Variants in AGBL4 observed in about 807,000 individuals in gnomAD.
The protein encoded by AGBL4 is cytosolic carboxypeptidase 6.
In AGBL4, 58 loss-of-function variants were observed where a neutral mutation model predicts 66.4. The ratio of observed to expected loss-of-function variants is 0.87; its 90% CI spans 0.71 to 1.09. The LOEUF (loss-of-function observed/expected upper bound fraction) is 1.09. Among genes scored for constraint, AGBL4 ranks in the 50% least tolerant of loss-of-function variants. The pLI, the probability that AGBL4 is intolerant of heterozygous loss-of-function variation, is 0.00. For missense variants in AGBL4, 579 were observed against 631.0 expected (o/e 0.92, Z 0.88); for synonymous variants, 234 against 222.9 (o/e 1.05, Z -0.44).
intron 4 of AGBL4, among the ~76,000 whole-genome samples, chr1:49,109,862 A>C (rs1046904077): frequency 6.6e-6 from 1 of 152,162 alleles, no homozygotes; most frequent in Non-Finnish European, 1.5e-5. Context: ...GTTTTTAGCA[A>C]ATAGAACAAT....
At chr1:49,668,982 A>G (rs1486810422) in intron 3 of AGBL4, among the ~76,000 whole-genome samples, 1 of 152,154 alleles carries the variant, frequency 6.6e-6, no homozygotes, top group Admixed American at 6.6e-5. Flanking sequence ...TTGTGCAGGA[A>G]ATCTATGATC....
chr1:49,448,870 T>TA (rs1421753687), intron 3 of AGBL4, among the ~76,000 whole-genome samples: 1 of 151,008 alleles, frequency 6.6e-6, no homozygotes, highest in East Asian at 1.9e-4. Flanking sequence ...GGTGGGGACT[T>TA]AAATTCGGGT....
intron 5 of AGBL4, among the ~76,000 whole-genome samples, chr1:48,999,558 C>A (rs1398735774): frequency 6.6e-6 from 1 of 152,098 alleles, no homozygotes; most frequent in Non-Finnish European, 1.5e-5. Context: ...GCATGACGTG[C>A]CTCCACCAAA....
chr1:48,936,240 G>C (rs960489883), intron 5 of AGBL4, among the ~76,000 whole-genome samples: 3 of 152,102 alleles, frequency 2.0e-5, no homozygotes, highest in Non-Finnish European at 2.9e-5. Flanking sequence ...TCCAGCCTGG[G>C]TGACAAAGTG....
intron 3 of AGBL4, among the ~76,000 whole-genome samples, chr1:49,594,802 T>C (rs975435478): frequency 1.3e-5 from 2 of 152,232 alleles, no homozygotes; most frequent in Non-Finnish European, 2.9e-5. Flanking sequence ...GTCTTTGCTA[T>C]TGTGAATAGT....
intron 3 of AGBL4, among the ~76,000 whole-genome samples, chr1:49,435,361 A>C (rs1189026660): frequency 6.6e-6 from 1 of 152,212 alleles, no homozygotes; most frequent in Non-Finnish European, 1.5e-5. Flanking sequence ...ACCAGTAGAT[A>C]AGAGCTGTAA....
intron 2 of AGBL4, among the ~76,000 whole-genome samples, chr1:49,739,898 G>T (rs960781973): frequency 6.6e-6 from 1 of 152,092 alleles, no homozygotes; most frequent in Non-Finnish European, 1.5e-5. Context: ...AGCTCCTGAA[G>T]GAAGCACTAA....
intron 1 of AGBL4, among the ~76,000 whole-genome samples, chr1:50,019,165 A>G (rs1662222387): frequency 6.6e-6 from 1 of 152,030 alleles, no homozygotes; most frequent in Admixed American, 6.6e-5. Context: ...GAGTTCTGAA[A>G]TATATTTGCA....
chr1:48,818,099 A>T lies in AGBL4; in HGVS notation c.634+49092T>A, dbSNP rs1934374. On this transcript the variant is annotated intron_variant, in intron 6 of 13. Transcript: ENST00000371839. ...TTCTCCTTCAGAAGCAAATGATTTC[A>T]CCAGCTCCATCTTCCAGCCGGAAAC... 3.2e-3 allele frequency: 2,292 copies of T among 713,200 alleles called. 34 individuals carry two copies. The African/African-American group carries it at 0.033, about 10-fold the overall frequency. 44.2% of individuals were successfully genotyped at this position (713,200 alleles called of 1,614,324 possible). A position where few individuals can be genotyped will look rare whatever the true frequency, so the allele number is the denominator to read the frequency against.
intron 9 of AGBL4, among the ~76,000 whole-genome samples, chr1:48,597,413 T>A (rs1645009454): frequency 6.6e-6 from 1 of 152,072 alleles, no homozygotes; most frequent in African/African-American, 2.4e-5. Context: ...TTGTGAAACA[T>A]GCTAGAAATG....
chr1:49,590,998 C>A (rs1218677339), intron 3 of AGBL4, among the ~76,000 whole-genome samples: 7 of 151,962 alleles, frequency 4.6e-5, no homozygotes, highest in Non-Finnish European at 8.8e-5. Context: ...ATTAATAGGA[C>A]TGAGTAAACA....
At chr1:49,369,581 T>C (rs917485518) in intron 3 of AGBL4, among the ~76,000 whole-genome samples, 6 of 152,146 alleles carry the variant, frequency 3.9e-5, no homozygotes, top group Non-Finnish European at 1.5e-5. Context: ...CAAGTGGATT[T>C]GGGGGATCCT....
chr1:49,682,037 T>C (rs1646704795), intron 3 of AGBL4, among the ~76,000 whole-genome samples: 1 of 152,158 alleles, frequency 6.6e-6, no homozygotes, highest in Non-Finnish European at 1.5e-5. Flanking sequence ...AACTATTTCT[T>C]TAAAAAAATA....
At chr1:49,193,558 C>G (rs1647164524) in intron 4 of AGBL4, among the ~76,000 whole-genome samples, 1 of 147,500 alleles carries the variant, frequency 6.8e-6, no homozygotes, top group African/African-American at 2.5e-5. Flanking sequence ...GATGGAGTTT[C>G]ACTCTGTCAC....
Position 48,657,076 on chromosome 1 carries a change from G to C in AGBL4, c.725-3625C>G, listed in dbSNP as rs1646032552. Among the ~76,000 whole-genome samples, 3 of 152,162 alleles carry C rather than the reference G, an allele frequency of 2.0e-5. 1 individual carries two copies. The South Asian group carries it at 6.2e-4, about 32-fold the overall frequency. Reference sequence around the variant, plus strand: ...GAAAGCCTTTCAATTCCAGGGCCTTGGCTTCATGGTTAAAAGCGCAGACCC... The same window carrying C: ...GAAAGCCTTTCAATTCCAGGGCCTTCGCTTCATGGTTAAAAGCGCAGACCC... On this transcript the variant is annotated intron_variant, in intron 7 of 13. Transcript: ENST00000371839.
At chr1:49,381,819 G>C (rs987682647) in intron 3 of AGBL4, among the ~76,000 whole-genome samples, 2 of 145,146 alleles carry the variant, frequency 1.4e-5, no homozygotes, top group Non-Finnish European at 3.0e-5. Flanking sequence ...ACACTGGAAG[G>C]GGAACATCAC....
chr1:49,629,696 T>C (rs930916557), intron 3 of AGBL4, among the ~76,000 whole-genome samples: 3 of 152,202 alleles, frequency 2.0e-5, no homozygotes, highest in African/African-American at 7.2e-5. Flanking sequence ...TATTCCCTGT[T>C]CCTCAGTGTA....
chr1:48,531,421 C>A (rs562966147), downstream of AGBL4, among the ~76,000 whole-genome samples: 1 of 152,158 alleles, frequency 6.6e-6, no homozygotes, highest in Admixed American at 6.5e-5. Context: ...GCTTCCAACC[C>A]AGCATCCCCC....
chr1:49,116,697 T>C (rs780399965), intron 4 of AGBL4, among the ~76,000 whole-genome samples: 2 of 152,206 alleles, frequency 1.3e-5, no homozygotes, highest in Non-Finnish European at 2.9e-5. Context: ...GCATGTGTCT[T>C]TATAGTAGCA....
Sources: allele counts gnomAD v4.1 joint callset (sites outside exome capture counted in the v4.1 genomes callset), GRCh38; gene constraint gnomAD v4.1.1; transcripts MANE v1.5; gene names NCBI Gene and HGNC (gene_info 2026-07-23, HGNC 2026-07-21).